GSK3B: variants seen among roughly 807,000 people sequenced by gnomAD.
GSK3B encodes glycogen synthase kinase 3 beta, also known as glycogen synthase kinase-3 beta.
In GSK3B, 15 loss-of-function variants were observed where a neutral mutation model predicts 56.4. The observed-to-expected ratio is 0.27, with a 90% CI of 0.18 to 0.41. The LOEUF is 0.41. GSK3B is among the 10% of genes least tolerant of loss of function. The pLI is 1.00. For synonymous variants in GSK3B, 181 were observed against 188.9 expected (o/e 0.96, Z 0.34); for missense variants, 300 against 513.4 (o/e 0.58, Z 4.02).
intron 3 of GSK3B, among the ~76,000 whole-genome samples, chr3:119,936,190 T>C (rs1218742161): frequency 6.6e-6 from 1 of 151,834 alleles, no homozygotes; most frequent in Non-Finnish European, 1.5e-5. Flanking sequence ...TGTCTGCATT[T>C]ATCTCTTCTA....
chr3:119,885,376 ACAAATGGAAAAGCATTCCATG>A (rs765524081), intron 7 of GSK3B, among the ~76,000 whole-genome samples: 122 of 152,174 alleles, frequency 8.0e-4, no homozygotes, highest in Non-Finnish European at 1.5e-3. Flanking sequence ...CACAGATGAC[ACAAATGGAAAAGCATTCCATG>A]CTCATGGATT....
rs1478896108 is a variant in GSK3B, at chr3:119,954,288, AGAATAGAATAGAAT to A, written c.283-6951_283-6938del. Among the ~76,000 whole-genome samples the A allele has an allele frequency of 3.8e-3, 504 of 131,808 alleles. 5 individuals carry two copies. Among genetic ancestry groups the A allele is most frequent in the Non-Finnish European group, 6.0e-3 (374 of 62,066 alleles). 86.5% of individuals were successfully genotyped at this position (131,808 alleles called of 152,430 possible). A position where few individuals can be genotyped will look rare whatever the true frequency, so the allele number is the denominator to read the frequency against. On this transcript the variant is annotated intron_variant, in intron 2 of 10. Transcript: ENST00000264235. ...AGAATAGAATAGAATAGAATAGAAT[AGAATAGAATAGAAT>A]AGAAAAGAAACAGAACAGAACAGAA...
At chr3:119,843,193 G>A (rs760806027) in intron 10 of GSK3B, 62 bp downstream of exon 10, 10 of 1,029,630 alleles carry the variant, frequency 9.7e-6, no homozygotes, top group Non-Finnish European at 1.5e-5. Flanking sequence ...GGGATTACAG[G>A]TGTGAGCCAT....
chr3:119,890,575 G>C (rs866504147), intron 7 of GSK3B, among the ~76,000 whole-genome samples: 17 of 152,076 alleles, frequency 1.1e-4, no homozygotes, highest in Middle Eastern at 3.4e-3. Context: ...GAGACATTTG[G>C]TCATTCCAGG....
At chr3:119,922,259 AAGGAAGGAAGGAAGGAAGGG>A (rs1293787352) in intron 4 of GSK3B, among the ~76,000 whole-genome samples, 2 of 146,020 alleles carry the variant, frequency 1.4e-5, no homozygotes, top group African/African-American at 5.0e-5. Context: ...GGAAGGAAGG[AAGGAAGGAAGGAAGGAAGGG>A]AGGAGGGAAA....
chr3:119,869,847 T>C (rs1484343653), intron 8 of GSK3B, among the ~76,000 whole-genome samples: 1 of 152,214 alleles, frequency 6.6e-6, no homozygotes, highest in Non-Finnish European at 1.5e-5. Context: ...TATGTAGATA[T>C]CAGCATTTAA....
At chr3:119,962,962 G>GTGCTCA (rs2057286336) in intron 2 of GSK3B, among the ~76,000 whole-genome samples, 2 of 152,306 alleles carry the variant, frequency 1.3e-5, no homozygotes, top group South Asian at 4.2e-4. Context: ...CACTGGCCTG[G>GTGCTCA]TGCTCATCTG....
intron 2 of GSK3B, among the ~76,000 whole-genome samples, chr3:119,975,284 T>A (rs1255744435): frequency 6.6e-6 from 1 of 152,054 alleles, no homozygotes; most frequent in Non-Finnish European, 1.5e-5. Flanking sequence ...CAGTCTCTAC[T>A]AAAAATACAA....
chr3:119,976,254 C>T (rs1191135988), intron 2 of GSK3B, among the ~76,000 whole-genome samples: 1 of 152,092 alleles, frequency 6.6e-6, no homozygotes, highest in Non-Finnish European at 1.5e-5. Flanking sequence ...AAACCTATTT[C>T]CCCACAAAAA....
intron 6 of GSK3B, among the ~76,000 whole-genome samples, chr3:119,906,554 T>C (rs1259340261): frequency 6.6e-6 from 1 of 152,134 alleles, no homozygotes; most frequent in Non-Finnish European, 1.5e-5. Context: ...AGGATAGTTA[T>C]GGTTTATATG....
intron 10 of GSK3B, among the ~76,000 whole-genome samples, chr3:119,830,082 A>C (rs1190121163): frequency 1.3e-5 from 2 of 152,224 alleles, no homozygotes; most frequent in African/African-American, 4.8e-5. Context: ...AAAAAAAGGC[A>C]AAGTTCTATA....
intron 10 of GSK3B, among the ~76,000 whole-genome samples, 163 bp from the exon 11 acceptor site, chr3:119,827,018 T>C (rs1470050037): frequency 6.6e-6 from 1 of 152,232 alleles, no homozygotes; most frequent in East Asian, 1.9e-4. Context: ...TGAATTTCTC[T>C]ATTCTTGGAT....
At chr3:119,936,205 G>A (rs1165131002) in intron 3 of GSK3B, among the ~76,000 whole-genome samples, 1 of 151,400 alleles carries the variant, frequency 6.6e-6, no homozygotes, top group Non-Finnish European at 1.5e-5. Flanking sequence ...CTTCTAGTAA[G>A]CATTTATCTG....
At chr3:120,054,894 T>A (rs1669074493) in intron 1 of GSK3B, among the ~76,000 whole-genome samples, 1 of 152,214 alleles carries the variant, frequency 6.6e-6, no homozygotes, top group South Asian at 2.1e-4. Flanking sequence ...TATTCCACAT[T>A]TTGATAAACA....
Position 119,897,961 on chromosome 3 carries a change from T to C in GSK3B, c.813+7794A>G, listed in dbSNP as rs187704853. 2.2e-4 allele frequency among the ~76,000 whole-genome samples: 34 copies of C among 152,172 alleles called. 1 individual carries two copies. The highest frequency in any genetic ancestry group is 2.2e-3 in the Admixed American group (34 of 15,282). Reference sequence around the variant, plus strand: ...CTAAATGAAGATGGTGAAAATAAGGTTGAACTGTACAGAAGCTCCTTGATT... The same window carrying C: ...CTAAATGAAGATGGTGAAAATAAGGCTGAACTGTACAGAAGCTCCTTGATT... On this transcript the variant is annotated intron_variant, in intron 7 of 10. Coordinates refer to ENST00000264235, the MANE Select transcript of GSK3B (RefSeq NM_001146156.2).
Position 119,863,617 on chromosome 3 carries a change from A to G in GSK3B, c.910-12T>C, listed in dbSNP as rs1476379406. On this transcript the variant is annotated splice_polypyrimidine_tract_variant and intron_variant, in intron 8 of 10. Coordinates refer to ENST00000264235, the MANE Select transcript of GSK3B (RefSeq NM_001146156.2). ...CGGGGTCGGAAGACCTGCAGTACAAAAAAAGGGAAAGAACAATTAATGTTT... is the reference window on the plus strand; with the variant it reads ...CGGGGTCGGAAGACCTGCAGTACAAGAAAAGGGAAAGAACAATTAATGTTT... 3 of 1,551,454 alleles carry G rather than the reference A, an allele frequency of 1.9e-6. No individual in the cohort carries two copies. The highest frequency in any genetic ancestry group is 1.7e-5 in the Admixed American group (1 of 58,842).
rs140864182 is a variant in GSK3B, at chr3:119,879,160, C to G, written c.814-2652G>C. Among the ~76,000 whole-genome samples, 1,331 of 152,212 alleles carry G rather than the reference C, an allele frequency of 8.7e-3. 44 individuals carry two copies. Among genetic ancestry groups the G allele is most frequent in the Admixed American group, 0.07 (1,071 of 15,272 alleles). On this transcript the variant is annotated intron_variant, in intron 7 of 10. Transcript: ENST00000264235. Reference sequence around the variant, plus strand: ...AGGGTAAATGTGGTATCCATCACCTCAAGCATTTGTCCTTTGTTTATTTAT... The same window carrying G: ...AGGGTAAATGTGGTATCCATCACCTGAAGCATTTGTCCTTTGTTTATTTAT...
chr3:120,024,838 G>C (rs1279516881), intron 1 of GSK3B, among the ~76,000 whole-genome samples: 3 of 152,098 alleles, frequency 2.0e-5, no homozygotes, highest in Non-Finnish European at 1.5e-5. Context: ...AGTGGGAAGC[G>C]ATAACATTAA....
chr3:120,016,738 T>C (rs2057831126), intron 1 of GSK3B, among the ~76,000 whole-genome samples: 1 of 152,220 alleles, frequency 6.6e-6, no homozygotes, highest in Non-Finnish European at 1.5e-5. Context: ...CAAAACCAAA[T>C]TTTACTTTAA....
Sources: gnomAD v4.1 joint callset for allele counts (sites outside exome capture counted in the v4.1 genomes callset) on GRCh38, gnomAD v4.1.1 for gene constraint, MANE v1.5 for transcripts, NCBI Gene and HGNC (gene_info 2026-07-23, HGNC 2026-07-21) for gene names.